The following EPG5 variants were observed in gnomAD, a reference collection of about 807,000 sequenced individuals.
EPG5 encodes ectopic P-granules 5 autophagy tethering factor.
Under a neutral mutation model 302.7 loss-of-function variants are expected in EPG5, and 159 were observed. The ratio of observed to expected loss-of-function variants is 0.53; its 90% CI spans 0.46 to 0.60. The LOEUF is 0.60. Among genes scored for constraint, EPG5 ranks in the 20% least tolerant of loss-of-function variants. EPG5 has a pLI of 0.00. For missense variants in EPG5, 2,896 were observed against 3,092.4 expected (o/e 0.94, Z 1.51); for synonymous variants, 1,158 against 1,136.8 (o/e 1.02, Z -0.37).
At chr18:45,892,013 AAG>A (rs1165038342) in intron 27 of EPG5, among the ~76,000 whole-genome samples, 7 of 152,310 alleles carry the variant, frequency 4.6e-5, no homozygotes, top group African/African-American at 1.7e-4. Flanking sequence ...CAAACAGGAA[AAG>A]AGAGAATCTG....
rs775345075 is a variant in EPG5 at position 45,879,065 on chromosome 18, A to C, written c.5817T>G (p.Ile1939Met). The C allele has an allele frequency of 6.2e-7, 1 of 1,614,190 alleles. No homozygotes were observed. Among genetic ancestry groups the C allele is most frequent in the Non-Finnish European group, 8.5e-7 (1 of 1,180,038 alleles). ...TFLGYLVKRL[I>M]DLEMTCLAQD... ...GGGCCAAACAGGTCATTTCTAAGTC[A>C]ATCAGCCTTTTCACAAGGTAGCCCA... The change falls in exon 33 of 44, where the codon ATT becomes ATG. Residue 1939 changes from isoleucine (I) to methionine (M), a missense_variant. Physicochemically the swap from Ile to Met is conservative, Grantham distance 10 (BLOSUM62 1). Transcript: ENST00000282041.
chr18:45,831,089 G>C, the EPG5 span, among the ~76,000 whole-genome samples: 1 of 152,158 alleles, frequency 6.6e-6, no homozygotes, highest in East Asian at 1.9e-4. Context: ...ATCAGAGCTA[G>C]GGCTGGAGCC....
chr18:45,943,396 G>C, intron 8 of EPG5, 85 bp from the exon 9 acceptor site: 1 of 1,219,800 alleles, frequency 8.2e-7, no homozygotes, highest in Non-Finnish European at 1.2e-6. Context: ...ATTTTAATGA[G>C]GACTCAAAGC....
At chr18:45,913,428 A>C (rs544715068) in intron 21 of EPG5, among the ~76,000 whole-genome samples, 1 of 152,294 alleles carries the variant, frequency 6.6e-6, no homozygotes, top group African/African-American at 2.4e-5. Flanking sequence ...CTTTTTAACA[A>C]GTTCTCCAGG....
chr18:45,937,064 AG>A (rs1390755619), intron 10 of EPG5, among the ~76,000 whole-genome samples: 4 of 151,998 alleles, frequency 2.6e-5, no homozygotes, highest in African/African-American at 9.7e-5. Context: ...CTATCTTATT[AG>A]TTAATTATCC....
rs2050514074 is a variant in EPG5 at position 45,935,963 on chromosome 18, A to ATCCAT, written c.2100-1002_2100-998dup. ...CTCCTCTGCACTATTACAGAACTCC[A>ATCCAT]TCCATACCTGACTTTGCCATCATCA... is the stretch of plus-strand genomic sequence containing the variant. On this transcript the variant is annotated intron_variant, in intron 10 of 43. Transcript: ENST00000282041. Among the ~76,000 whole-genome samples the ATCCAT allele has an allele frequency of 3.9e-5, 6 of 152,232 alleles. No homozygotes were observed. In the South Asian group the frequency reaches 1.2e-3, roughly 32 times the overall value.
intron 27 of EPG5, 35 bp from the exon 28 acceptor site, chr18:45,889,975 C>T: frequency 6.6e-7 from 1 of 1,519,268 alleles, no homozygotes; most frequent in Non-Finnish European, 8.9e-7. Context: ...AGACATTTCC[C>T]CCCATGTGTC....
At chr18:45,953,919 G>C in intron 2 of EPG5, 1 of 985,266 alleles carries the variant, frequency 1.0e-6, no homozygotes, top group Non-Finnish European at 1.2e-6. Flanking sequence ...CTTCCCATTG[G>C]ATGTTGGTAG....
At chr18:45,806,303 G>T in the EPG5 span, among the ~76,000 whole-genome samples, 1 of 152,152 alleles carries the variant, frequency 6.6e-6, no homozygotes, top group Non-Finnish European at 1.5e-5. Flanking sequence ...AATGAAAACA[G>T]TGTAAAAGAA....
intron 19 of EPG5, 108 bp downstream of exon 19, chr18:45,915,901 G>A: frequency 9.9e-7 from 1 of 1,006,700 alleles, no homozygotes; most frequent in Non-Finnish European, 1.4e-6. Flanking sequence ...GCTTAAAGAA[G>A]GTAATGGCCA....
the EPG5 span, among the ~76,000 whole-genome samples, chr18:45,816,735 C>A: frequency 6.6e-6 from 1 of 152,144 alleles, no homozygotes; most frequent in Non-Finnish European, 1.5e-5. Context: ...AAAAGTAGAA[C>A]AACCAATTGA....
At chr18:45,825,723 C>T in the EPG5 span, 62 of 1,614,088 alleles carry the variant, frequency 3.8e-5, no homozygotes, top group Non-Finnish European at 4.9e-5. Flanking sequence ...TTCAGATGCT[C>T]ACAGCATGGA....
intron 31 of EPG5, 41 bp from the exon 32 acceptor site, chr18:45,880,264 G>A (rs921646822): frequency 1.5e-5 from 22 of 1,509,848 alleles, no homozygotes; most frequent in East Asian, 2.3e-5. Flanking sequence ...TGGCTTTCCC[G>A]AAAGGAATAT....
At chr18:45,965,647 G>C (rs1023044709) in intron 1 of EPG5, among the ~76,000 whole-genome samples, 2 of 152,216 alleles carry the variant, frequency 1.3e-5, no homozygotes, top group Admixed American at 6.5e-5. Context: ...AAAATGTCCT[G>C]TACTTGTAAT....
At chr18:45,908,611 A>T (rs1327631215) in intron 23 of EPG5, among the ~76,000 whole-genome samples, 1 of 152,202 alleles carries the variant, frequency 6.6e-6, no homozygotes, top group Non-Finnish European at 1.5e-5. Flanking sequence ...GCATGTGTGT[A>T]CGCCCCTCTC....
chr18:45,922,683 C>A, intron 15 of EPG5, 83 bp from the exon 16 acceptor site: 1 of 1,466,256 alleles, frequency 6.8e-7, no homozygotes, highest in Non-Finnish European at 9.4e-7. Flanking sequence ...CTTTTGTGAC[C>A]AACAATGCCC....
chr18:45,939,549 T>C (rs2050614461), intron 10 of EPG5, 51 bp downstream of exon 10: 2 of 1,557,010 alleles, frequency 1.3e-6, no homozygotes, highest in African/African-American at 1.4e-5. Context: ...GAATGGTTCT[T>C]ACTAGTGAGG....
intron 26 of EPG5, among the ~76,000 whole-genome samples, chr18:45,900,404 C>A (rs377437053): frequency 2.2e-3 from 248 of 111,804 alleles, no homozygotes; most frequent in African/African-American, 2.9e-3. Context: ...GACTCTGTCT[C>A]AAAAAAAAAA....
At chr18:45,871,831 T>G (rs550684540) in intron 35 of EPG5, among the ~76,000 whole-genome samples, 1 of 152,034 alleles carries the variant, frequency 6.6e-6, no homozygotes, top group Non-Finnish European at 1.5e-5. Context: ...GGGCACAAAG[T>G]TTCAGAGGGC....
Sources: allele counts gnomAD v4.1 joint callset (sites outside exome capture counted in the v4.1 genomes callset), GRCh38; gene constraint gnomAD v4.1.1; transcripts MANE v1.5; gene names NCBI Gene and HGNC (gene_info 2026-07-23, HGNC 2026-07-21).